The following ADGRL2 variants were observed in gnomAD, a reference collection of about 807,000 sequenced individuals.
The protein encoded by ADGRL2 is calcium-independent alpha-latrotoxin receptor 2.
In ADGRL2, 44 loss-of-function variants were observed where a neutral mutation model predicts 157.4. That is an observed-to-expected ratio of 0.28 (90% CI 0.22 to 0.36). The LOEUF is 0.36. Among genes scored for constraint, ADGRL2 ranks in the 10% least tolerant of loss-of-function variants. The pLI, the probability that ADGRL2 is intolerant of heterozygous loss-of-function variation, is 1.00. For missense variants in ADGRL2, 1,510 were observed against 1,768.9 expected, an observed-to-expected ratio of 0.85 and a Z score of 2.63; for synonymous variants, 585 against 624.7, an observed-to-expected ratio of 0.94 and a Z score of 0.95.
chr1:81,476,998 G>A (rs1444897959), intron 2 of ADGRL2, among the ~76,000 whole-genome samples: 1 of 152,150 alleles, frequency 6.6e-6, no homozygotes, highest in East Asian at 1.9e-4. Flanking sequence ...ATCCATGGAT[G>A]TCCCACACAT....
intron 1 of ADGRL2, among the ~76,000 whole-genome samples, chr1:81,381,756 CTTAAA>C (rs1205948576): frequency 6.6e-6 from 1 of 152,062 alleles, no homozygotes; most frequent in Admixed American, 6.6e-5. Context: ...GTTTTCTCTC[CTTAAA>C]TTAAACCTTA....
At chr1:81,461,934 G>GT (rs1553166998) in intron 2 of ADGRL2, among the ~76,000 whole-genome samples, 2 of 143,828 alleles carry the variant, frequency 1.4e-5, no homozygotes, top group Non-Finnish European at 3.1e-5. Context: ...GAAGAAAGGG[G>GT]GGGGGGGGTG....
At position 81,754,440 on chromosome 1, in the gene ADGRL2, T is replaced by TCTC. The variant is rs147813577; in HGVS notation, c.-142-7351_-142-7349dup. Among the ~76,000 whole-genome samples, 251 of 131,258 alleles carry TCTC rather than the reference T, an allele frequency of 1.9e-3. 2 individuals carry two copies. Among genetic ancestry groups the TCTC allele is most frequent in the African/African-American group, 6.7e-3 (236 of 35,390 alleles). The allele number at this position is 131,258 out of a possible 152,430, so 86.1% of individuals were successfully genotyped here. On this transcript the variant is annotated intron_variant, in intron 1 of 20. Coordinates refer to the ADGRL2 transcript ENST00000359929. ...GGCTTTTTTATTTTCTCCTCCTCCT[T>TCTC]CTCCTCCTCCTCCTCCTCCTCCCCC...
At chr1:81,427,023 G>A (rs570237391) in intron 1 of ADGRL2, 2 of 1,065,370 alleles carry the variant, frequency 1.9e-6, no homozygotes, top group African/African-American at 1.5e-5. Flanking sequence ...TACCACAGTT[G>A]ATAACATTGT....
chr1:81,610,013 T>C (rs1394480266), intron 3 of ADGRL2, among the ~76,000 whole-genome samples: 2 of 152,218 alleles, frequency 1.3e-5, no homozygotes, highest in Non-Finnish European at 2.9e-5. Flanking sequence ...TTGCTTGTAG[T>C]AGCCTCCTCT....
At chr1:81,340,907 T>A (rs1172914971) in intron 1 of ADGRL2, among the ~76,000 whole-genome samples, 2 of 151,558 alleles carry the variant, frequency 1.3e-5, no homozygotes, top group Admixed American at 6.6e-5. Flanking sequence ...TTTTTTTTTT[T>A]AAATGGAACC....
chr1:81,626,114 C>T (rs896760949), intron 3 of ADGRL2, among the ~76,000 whole-genome samples: 2 of 152,100 alleles, frequency 1.3e-5, no homozygotes, highest in Non-Finnish European at 2.9e-5. Flanking sequence ...GGCTTCAACA[C>T]TCTGTCACAA....
rs1033361573 is a variant in ADGRL2, at chr1:81,874,714, T to G, written c.74-32303T>G. 5.3e-5 allele frequency among the ~76,000 whole-genome samples: 8 copies of G among 151,884 alleles called. No homozygotes were observed. The East Asian group carries it at 1.5e-3, about 29-fold the overall frequency. Reference sequence around the variant, plus strand: ...CGCTTCTCTTCTCTTCTCTTTTTCTTTTTTTTTCTGAGATGGAGTCTTGCT... The same window carrying G: ...CGCTTCTCTTCTCTTCTCTTTTTCTGTTTTTTTCTGAGATGGAGTCTTGCT... On this transcript the variant is annotated intron_variant, in intron 2 of 23. Transcript: ENST00000686636.
At chr1:81,598,314 AT>A (rs1311451989) in intron 3 of ADGRL2, among the ~76,000 whole-genome samples, 1 of 152,170 alleles carries the variant, frequency 6.6e-6, no homozygotes, top group Non-Finnish European at 1.5e-5. Context: ...AGATTCCTGG[AT>A]AGAGTAAAAT....
At chr1:81,767,854 C>CA (rs71592741) in intron 2 of ADGRL2, among the ~76,000 whole-genome samples, 16,828 of 83,564 alleles carry the variant, frequency 0.2, 1,780 homozygotes, top group East Asian at 0.53. Context: ...GATCCTGTCT[C>CA]AAAAAAAAAA....
At position 81,647,316 on chromosome 1, in the gene ADGRL2, G is replaced by C. The variant is rs554464025; in HGVS notation, c.-143+66336G>C. 2.0e-5 allele frequency among the ~76,000 whole-genome samples: 3 copies of C among 152,198 alleles called. No individual in the cohort carries two copies. The South Asian group carries it at 6.2e-4, about 32-fold the overall frequency. ...AGACTTCACCTTATTTAAAGAAGCA[G>C]GTTATCTAAGCCATAATTATCAACA... On this transcript the variant is annotated intron_variant, in intron 3 of 24. Coordinates refer to the ADGRL2 transcript ENST00000370721.
intron 1 of ADGRL2, among the ~76,000 whole-genome samples, chr1:81,327,060 G>GT (rs1169630537): frequency 6.6e-6 from 1 of 152,116 alleles, no homozygotes; most frequent in Non-Finnish European, 1.5e-5. Flanking sequence ...GAAATGAGTT[G>GT]TTTTTTAAAG....
chr1:81,836,526 A>G (rs1466003988), intron 1 of ADGRL2, among the ~76,000 whole-genome samples: 1 of 152,104 alleles, frequency 6.6e-6, no homozygotes, highest in African/African-American at 2.4e-5. Flanking sequence ...AAGTTTTTGT[A>G]CACTCTGCAG....
At chr1:81,747,590 C>A (rs2085341887) in intron 1 of ADGRL2, among the ~76,000 whole-genome samples, 1 of 151,984 alleles carries the variant, frequency 6.6e-6, no homozygotes, top group African/African-American at 2.4e-5. Context: ...GTGTGAGCCA[C>A]CATGCCCGGC....
At chr1:81,491,013 G>T (rs1451921034) in intron 2 of ADGRL2, among the ~76,000 whole-genome samples, 1 of 152,114 alleles carries the variant, frequency 6.6e-6, no homozygotes, top group Non-Finnish European at 1.5e-5. Context: ...ATATTTAGTA[G>T]CACCCACTAG....
At chr1:81,429,013 G>A (rs1440557681) in intron 1 of ADGRL2, among the ~76,000 whole-genome samples, 4 of 152,110 alleles carry the variant, frequency 2.6e-5, no homozygotes, top group Non-Finnish European at 5.9e-5. Flanking sequence ...TAGAAGTAGT[G>A]CTTTTTCAGG....
chr1:81,610,314 T>A lies in ADGRL2; in HGVS notation c.-143+29334T>A, dbSNP rs184990386. Among the ~76,000 whole-genome samples, 15 of 149,720 alleles carry A rather than the reference T, an allele frequency of 1.0e-4. No homozygotes were observed. In the South Asian group the frequency reaches 1.5e-3, roughly 15 times the overall value. ...AAGATATTCAAGCTAATATCTGAGTTTAGAGAGCAGCTAGACTTAAGAATA... is the reference window on the plus strand; with the variant it reads ...AAGATATTCAAGCTAATATCTGAGTATAGAGAGCAGCTAGACTTAAGAATA... On this transcript the variant is annotated intron_variant, in intron 3 of 24. Coordinates refer to the ADGRL2 transcript ENST00000370721.
intron 2 of ADGRL2, among the ~76,000 whole-genome samples, chr1:81,846,541 A>T (rs950014494): frequency 7.3e-5 from 11 of 151,710 alleles, no homozygotes; most frequent in African/African-American, 2.7e-4. Context: ...TTGCACAGGG[A>T]TTTAATCTAA....
chr1:81,550,723 G>T (rs1348484922), intron 2 of ADGRL2, among the ~76,000 whole-genome samples: 1 of 151,820 alleles, frequency 6.6e-6, no homozygotes, highest in Non-Finnish European at 1.5e-5. Flanking sequence ...CTGGGTAAAG[G>T]TATCATTTCC....
Sources: allele counts gnomAD v4.1 joint callset (sites outside exome capture counted in the v4.1 genomes callset), GRCh38; gene constraint gnomAD v4.1.1; transcripts MANE v1.5; gene names NCBI Gene and HGNC (gene_info 2026-07-23, HGNC 2026-07-21).